UBIAD1: variants seen among roughly 807,000 people sequenced by gnomAD.
The protein encoded by UBIAD1 is ubiA prenyltransferase domain-containing protein 1.
In UBIAD1, 12 loss-of-function variants were observed where a neutral mutation model predicts 20.1. That is an observed-to-expected ratio of 0.60 (90% confidence interval 0.38 to 0.97). The LOEUF (loss-of-function observed/expected upper bound fraction) is 0.97. Among genes scored for constraint, UBIAD1 ranks in the 50% least tolerant of loss-of-function variants. The probability of loss-of-function intolerance (pLI) is 0.00; values close to 1 mark genes in which losing one functional copy is unlikely to be tolerated. For missense variants in UBIAD1, 333 were observed against 419.5 expected (o/e 0.79, Z 1.80); for synonymous variants, 207 against 189.2 (o/e 1.09, Z -0.77).
intron 1 of UBIAD1, among the ~76,000 whole-genome samples, chr1:11,294,265 C>T (rs971367010): frequency 2.6e-4 from 39 of 152,054 alleles, no homozygotes; most frequent in African/African-American, 8.7e-4. Context: ...AGTGATAGAA[C>T]CATGATTCAA....
chr1:11,298,747 C>T (rs143730843), downstream of UBIAD1, among the ~76,000 whole-genome samples: 317 of 152,240 alleles, frequency 2.1e-3, 1 homozygote, highest in African/African-American at 7.4e-3. The surrounding 1 kb of genome is among the most constrained non-coding windows in gnomAD (Gnocchi z 4.0). Flanking sequence ...ATGCAGTGAG[C>T]GACACCTGGT....
intron 1 of UBIAD1, among the ~76,000 whole-genome samples, chr1:11,283,180 C>G (rs538880623): frequency 2.6e-5 from 4 of 152,064 alleles, no homozygotes; most frequent in African/African-American, 9.7e-5. Flanking sequence ...TGCTTTTTGC[C>G]GAGTGATCTA....
intron 1 of UBIAD1, among the ~76,000 whole-genome samples, chr1:11,278,204 C>T (rs570777026): frequency 3.0e-4 from 46 of 152,238 alleles, no homozygotes; most frequent in African/African-American, 1.0e-3. Context: ...GTGATCTGCT[C>T]GCCTGAGCCT....
At chr1:11,297,504 T>C (rs1638467218), downstream of UBIAD1, among the ~76,000 whole-genome samples, 1 of 151,936 alleles carries the variant, frequency 6.6e-6, no homozygotes, top group Non-Finnish European at 1.5e-5. Flanking sequence ...GGGGTGGGGG[T>C]GTCCATTTGG....
At chr1:11,296,586 A>G (rs1370143548), downstream of UBIAD1, among the ~76,000 whole-genome samples, 1 of 152,078 alleles carries the variant, frequency 6.6e-6, no homozygotes, top group South Asian at 2.1e-4. Context: ...TAGCACAATC[A>G]TGGCTTACTG....
chr1:11,273,397 C>A lies in UBIAD1; in HGVS notation c.-135C>A. Reference sequence around the variant, plus strand: ...ACTTGCTGTTGCCCCCGGACCTTGCCGCCACACCAGCCCTGTCCTGGGGCG... The same window carrying A: ...ACTTGCTGTTGCCCCCGGACCTTGCAGCCACACCAGCCCTGTCCTGGGGCG... On this transcript the variant is annotated 5_prime_UTR_variant, in exon 1 of 2. Transcript: ENST00000376810. This position sits in a 1 kb window ranked among gnomAD's most constrained non-coding sequence, Gnocchi z 4.9. 1 of 1,146,412 alleles carries A rather than the reference C, an allele frequency of 8.7e-7. No homozygotes were observed. Among genetic ancestry groups the A allele is most frequent in the Non-Finnish European group, 1.3e-6 (1 of 798,916 alleles). The allele number at this position is 1,146,412 out of a possible 1,614,324, so 71.0% of individuals were successfully genotyped here.
intron 1 of UBIAD1, among the ~76,000 whole-genome samples, chr1:11,276,182 C>T (rs145143951): frequency 6.6e-6 from 1 of 152,004 alleles, no homozygotes; most frequent in East Asian, 1.9e-4. Context: ...TCCAGGCAAG[C>T]GATGTTTGGT....
Position 11,280,046 on chromosome 1 carries a change from A to G in UBIAD1, c.530-5598A>G, listed in dbSNP as rs550970378. 1.4e-4 allele frequency among the ~76,000 whole-genome samples: 22 copies of G among 152,322 alleles called. No individual in the cohort carries two copies. The South Asian group carries it at 4.6e-3, about 32-fold the overall frequency. The stretch of plus-strand genomic sequence containing the variant: ...ATAAAAAGTTCAGTGAAGGAAATCA[A>G]TGAGGTGGTGTAATAGAAAGTACAA... On this transcript the variant is annotated intron_variant, in intron 1 of 1. Coordinates refer to ENST00000376810, the MANE Select transcript of UBIAD1 (RefSeq NM_013319.3).
chr1:11,273,717 C>T lies in UBIAD1; in HGVS notation c.186C>T (p.Leu62=). 1 of 1,614,178 alleles carries T rather than the reference C, an allele frequency of 6.2e-7. No homozygotes were observed. Among genetic ancestry groups the T allele is most frequent in the Non-Finnish European group, 8.5e-7 (1 of 1,180,022 alleles). Residue 62 remains leucine, a synonymous_variant, in exon 1 of 2, where the codon CTC becomes CTT. Coordinates refer to ENST00000376810, the MANE Select transcript of UBIAD1 (RefSeq NM_013319.3). The surrounding 1 kb of genome is among the most constrained non-coding windows in gnomAD (Gnocchi z 4.9). ...ALRPWSFSAS[L]TPVALGSALA... is the part of the protein sequence containing the mutation. ...GGCCCTGGAGCTTCAGTGCCTCACTCACACCGGTGGCCCTGGGCAGTGCCC... is the reference window on the plus strand; with the variant it reads ...GGCCCTGGAGCTTCAGTGCCTCACTTACACCGGTGGCCCTGGGCAGTGCCC...
chr1:11,295,130 C>T (rs750348922), exon 2 of UBIAD1: 15 of 571,826 alleles, frequency 2.6e-5, no homozygotes, highest in Non-Finnish European at 4.4e-5. Context: ...AGTTGACACA[C>T]GTGAACCATA....
At position 11,273,912 on chromosome 1, in the gene UBIAD1, G is replaced by T; in HGVS notation, c.381G>T (p.Glu127Asp). 1 of 1,614,232 alleles carries T rather than the reference G, an allele frequency of 6.2e-7. No individual in the cohort carries two copies. The highest frequency in any genetic ancestry group is 8.5e-7 in the Non-Finnish European group (1 of 1,180,044). ...DDRTLVDRIL[E>D]PQDVVRFGVF... is the part of the protein sequence containing the mutation. ...GGACACTTGTGGACCGAATCTTGGAGCCGCAGGATGTCGTCCGGTTCGGAG... is the reference window on the plus strand; with the variant it reads ...GGACACTTGTGGACCGAATCTTGGATCCGCAGGATGTCGTCCGGTTCGGAG... The change falls in exon 1 of 2, where the codon GAG becomes GAT. Residue 127 changes from glutamate to aspartate, a missense_variant. This residue lies in a region of UBIAD1 where 226 missense variants were observed against 263.5 expected (regional missense o/e 0.86). Transcript: ENST00000376810. This position sits in a 1 kb window ranked among gnomAD's most constrained non-coding sequence, Gnocchi z 4.9.
At chr1:11,277,109 T>C (rs1652062046) in intron 1 of UBIAD1, among the ~76,000 whole-genome samples, 1 of 151,960 alleles carries the variant, frequency 6.6e-6, no homozygotes, top group Non-Finnish European at 1.5e-5. Context: ...TGGTGGTGCA[T>C]GCCTGTAGTC....
At chr1:11,283,549 A>G (rs1265185784) in intron 1 of UBIAD1, among the ~76,000 whole-genome samples, 1 of 152,122 alleles carries the variant, frequency 6.6e-6, no homozygotes, top group Non-Finnish European at 1.5e-5. Context: ...AGGAAAAAAA[A>G]TATGGCTTGA....
intron 1 of UBIAD1, among the ~76,000 whole-genome samples, chr1:11,276,930 A>G (rs1652054465): frequency 6.6e-6 from 1 of 152,046 alleles, no homozygotes; most frequent in Admixed American, 6.6e-5. Context: ...CAGCACCCAC[A>G]CCACTTCAAA....
At position 11,278,917 on chromosome 1, in the gene UBIAD1, C is replaced by T. The variant is rs557977451; in HGVS notation, c.529+4857C>T. The T allele has an allele frequency of 6.7e-5, 17 of 252,718 alleles. No individual in the cohort carries two copies. The South Asian group carries it at 1.2e-3, about 18-fold the overall frequency. The allele number at this position is 252,718 out of a possible 1,614,324, so 15.7% of individuals were successfully genotyped here. A position where few individuals can be genotyped will look rare whatever the true frequency, so the allele number is the denominator to read the frequency against. ...GCTCGCGCTGTGGCCCACACGGGAGCGCAGTGGCGTGATCTCGGCTCACTG... is the reference window on the plus strand; with the variant it reads ...GCTCGCGCTGTGGCCCACACGGGAGTGCAGTGGCGTGATCTCGGCTCACTG... On this transcript the variant is annotated intron_variant, in intron 1 of 1. Transcript: ENST00000376810.
At chr1:11,294,917 C>G in exon 2 of UBIAD1, 1 of 717,518 alleles carries the variant, frequency 1.4e-6, no homozygotes, top group South Asian at 1.5e-5. Flanking sequence ...CAGGAGCAGC[C>G]AGTGCTCAAG....
At position 11,286,815 on chromosome 1, in the gene UBIAD1, C is replaced by A. The variant is rs375520410; in HGVS notation, c.*684C>A. 1.5e-3 allele frequency: 235 copies of A among 153,844 alleles called. 1 individual carries two copies. Among genetic ancestry groups the A allele is most frequent in the Non-Finnish European group, 2.8e-3 (191 of 69,168 alleles). 9.5% of individuals were successfully genotyped at this position (153,844 alleles called of 1,614,324 possible). The stretch of plus-strand genomic sequence containing the variant: ...CCAAGGACTGGGAGGGAAAAAAAAA[C>A]CACTCTGGAGGCAACTGAGAAAATC... On this transcript the variant is annotated 3_prime_UTR_variant, in exon 2 of 2. Transcript: ENST00000376810.
chr1:11,284,077 C>T (rs915462047), intron 1 of UBIAD1, among the ~76,000 whole-genome samples: 1 of 152,184 alleles, frequency 6.6e-6, no homozygotes, highest in African/African-American at 2.4e-5. Flanking sequence ...GTCCTGCCCT[C>T]ATGGAACTTA....
At chr1:11,298,251 C>T (rs1203435256), downstream of UBIAD1, among the ~76,000 whole-genome samples, 1 of 152,050 alleles carries the variant, frequency 6.6e-6, no homozygotes, top group Non-Finnish European at 1.5e-5. This position sits in a 1 kb window ranked among gnomAD's most constrained non-coding sequence, Gnocchi z 4.0. Context: ...AGCCATTGCT[C>T]CCCACCAGAG....
Sources: allele counts gnomAD v4.1 joint callset (sites outside exome capture counted in the v4.1 genomes callset), GRCh38; gene constraint gnomAD v4.1.1; regional missense constraint gnomAD v4.1.1; non-coding constraint Gnocchi (gnomAD v3.1); transcripts MANE v1.5; gene names NCBI Gene and HGNC (gene_info 2026-07-23, HGNC 2026-07-21).